CLVS1: variants seen among roughly 807,000 people sequenced by gnomAD.
CLVS1 encodes the protein clavesin 1.
Under a neutral mutation model 33.1 loss-of-function variants are expected in CLVS1, and 10 were observed. The observed-to-expected ratio is 0.30, with a 90% CI of 0.19 to 0.51. CLVS1 has a LOEUF of 0.51. Among genes scored for constraint, CLVS1 ranks in the 20% least tolerant of loss-of-function variants. The pLI, the probability that CLVS1 is intolerant of heterozygous loss-of-function variation, is 0.97. For synonymous variants in CLVS1, 163 were observed against 166.1 expected (o/e 0.98, Z 0.14); for missense variants, 343 against 433.4 (o/e 0.79, Z 1.85).
chr8:61,086,109 C>T (rs1369816613), intron 1 of CLVS1, among the ~76,000 whole-genome samples: 1 of 142,588 alleles, frequency 7.0e-6, no homozygotes, highest in Admixed American at 7.1e-5. Flanking sequence ...TGACTGTAAT[C>T]CCAGCTACTC....
At chr8:61,043,230 T>C in the CLVS1 span, among the ~76,000 whole-genome samples, 1 of 152,202 alleles carries the variant, frequency 6.6e-6, no homozygotes, top group African/African-American at 2.4e-5. Flanking sequence ...AGAATCCTCA[T>C]ATTTCTTCCT....
chr8:61,178,041 A>T (rs1346050081), intron 2 of CLVS1, among the ~76,000 whole-genome samples: 1 of 152,176 alleles, frequency 6.6e-6, no homozygotes, highest in Non-Finnish European at 1.5e-5. Context: ...GTAATAAAAA[A>T]ATTCTGCCAA....
At chr8:61,274,719 G>A (rs564368465) in intron 2 of CLVS1, among the ~76,000 whole-genome samples, 15 of 152,256 alleles carry the variant, frequency 9.9e-5, no homozygotes, top group Non-Finnish European at 1.9e-4. Context: ...TTTTAAATTT[G>A]AGTAGCTTAA....
At chr8:60,968,138 G>A in the CLVS1 span, among the ~76,000 whole-genome samples, 1 of 152,094 alleles carries the variant, frequency 6.6e-6, no homozygotes, top group Non-Finnish European at 1.5e-5. Context: ...TCACTATGTT[G>A]CTCAGGCTGG....
chr8:61,256,281 G>A (rs532055206), intron 2 of CLVS1, among the ~76,000 whole-genome samples: 32 of 152,332 alleles, frequency 2.1e-4, no homozygotes, highest in African/African-American at 5.8e-4. Context: ...TTGGGAGGCC[G>A]AAGCGGGCAG....
intron 1 of CLVS1, among the ~76,000 whole-genome samples, chr8:61,060,946 A>G (rs1804572160): frequency 6.6e-6 from 1 of 151,974 alleles, no homozygotes; most frequent in African/African-American, 2.4e-5. Context: ...TTGCTTTAGG[A>G]GTTTTCTTTT....
intron 2 of CLVS1, among the ~76,000 whole-genome samples, chr8:61,345,409 T>C (rs1046738496): frequency 6.6e-6 from 1 of 152,124 alleles, no homozygotes; most frequent in Non-Finnish European, 1.5e-5. Context: ...ACAAGTGCAA[T>C]GTAGTAGGAC....
intron 2 of CLVS1, among the ~76,000 whole-genome samples, chr8:61,178,083 G>A (rs1179647480): frequency 6.6e-6 from 1 of 152,120 alleles, no homozygotes; most frequent in Non-Finnish European, 1.5e-5. Flanking sequence ...TCAACGCAAA[G>A]AAGCTAAGAA....
chr8:61,486,061 C>G (rs1049196493), intron 5 of CLVS1, among the ~76,000 whole-genome samples: 8 of 151,518 alleles, frequency 5.3e-5, no homozygotes, highest in African/African-American at 1.9e-4. Context: ...CTAACCTGCA[C>G]GTTGTGCACA....
chr8:61,387,413 C>A (rs1361086145), intron 3 of CLVS1, among the ~76,000 whole-genome samples: 1 of 150,330 alleles, frequency 6.7e-6, no homozygotes, highest in Admixed American at 6.7e-5. Flanking sequence ...ACAAAAAAAC[C>A]CAAGAATTGT....
At chr8:61,301,423 G>A (rs575616087) in intron 2 of CLVS1, among the ~76,000 whole-genome samples, 43 of 152,284 alleles carry the variant, frequency 2.8e-4, no homozygotes, top group Non-Finnish European at 4.9e-4. Flanking sequence ...CCTGGAGGAA[G>A]GTAGTCTTCT....
chr8:61,467,822 ATTC>A (rs1417078154), intron 5 of CLVS1, among the ~76,000 whole-genome samples: 3 of 152,154 alleles, frequency 2.0e-5, no homozygotes, highest in Admixed American at 1.3e-4. Context: ...ACATTTTATT[ATTC>A]TTCTTATTAG....
At chr8:61,393,313 TA>T (rs200001414) in intron 3 of CLVS1, among the ~76,000 whole-genome samples, 317 of 150,670 alleles carry the variant, frequency 2.1e-3, no homozygotes, top group Middle Eastern at 6.8e-3. Flanking sequence ...ATCCTGTATT[TA>T]AAAAAAAAAT....
At chr8:61,184,757 T>C (rs1563435508) in intron 2 of CLVS1, among the ~76,000 whole-genome samples, 1 of 152,180 alleles carries the variant, frequency 6.6e-6, no homozygotes, top group South Asian at 2.1e-4. Context: ...AGCTGGGGTA[T>C]ACAAAATATC....
At chr8:61,431,723 T>C (rs1816121813) in intron 3 of CLVS1, among the ~76,000 whole-genome samples, 1 of 152,218 alleles carries the variant, frequency 6.6e-6, no homozygotes, top group African/African-American at 2.4e-5. Flanking sequence ...TCTCTTTTGT[T>C]CTTTGACGTA....
At chr8:61,126,750 C>T (rs1034013084) in intron 1 of CLVS1, among the ~76,000 whole-genome samples, 1 of 152,196 alleles carries the variant, frequency 6.6e-6, no homozygotes, top group African/African-American at 2.4e-5. Context: ...ACTCTCCTTC[C>T]TCTCATTTCT....
chr8:61,216,923 C>T (rs942922470), intron 2 of CLVS1, among the ~76,000 whole-genome samples: 5 of 152,120 alleles, frequency 3.3e-5, no homozygotes, highest in African/African-American at 9.7e-5. Context: ...TATTTTCCTT[C>T]TGAAGGGTGA....
intron 2 of CLVS1, among the ~76,000 whole-genome samples, chr8:61,237,094 A>G (rs1356686385): frequency 1.3e-5 from 2 of 152,206 alleles, no homozygotes; most frequent in African/African-American, 4.8e-5. Context: ...GATGATCAGT[A>G]AGACAAAGGG....
intron 2 of CLVS1, among the ~76,000 whole-genome samples, chr8:61,145,394 T>C (rs909474771): frequency 5.9e-5 from 9 of 152,134 alleles, no homozygotes; most frequent in African/African-American, 2.2e-4. Context: ...AACGTTGGGG[T>C]TGGAGTGTGA....
Sources: allele counts gnomAD v4.1 joint callset (sites outside exome capture counted in the v4.1 genomes callset), GRCh38; gene constraint gnomAD v4.1.1; transcripts MANE v1.5; gene names NCBI Gene and HGNC (gene_info 2026-07-23, HGNC 2026-07-21).